The following XKR6 variants were observed in gnomAD, a reference collection of about 807,000 sequenced individuals.
XKR6 encodes XK related 6.
XKR6 carries 22 observed loss-of-function variants against 56.7 expected under a neutral mutation model. That is an observed-to-expected ratio of 0.39 (90% CI 0.28 to 0.55). XKR6 has a LOEUF of 0.55. XKR6 is among the 20% of genes least tolerant of loss of function. XKR6 has a pLI of 0.66. For missense variants in XKR6, 852 were observed against 889.0 expected, an observed-to-expected ratio of 0.96 and a Z score of 0.53; for synonymous variants, 524 against 387.8, an observed-to-expected ratio of 1.35 and a Z score of -4.13.
At chr8:10,971,073 TG>T (rs1400897757) in intron 1 of XKR6, among the ~76,000 whole-genome samples, 2 of 151,236 alleles carry the variant, frequency 1.3e-5, no homozygotes, top group Non-Finnish European at 2.9e-5. Flanking sequence ...CTCTTCTGCT[TG>T]GGGTTTTTAA....
At chr8:11,074,502 C>G (rs553073102) in intron 1 of XKR6, among the ~76,000 whole-genome samples, 1 of 152,220 alleles carries the variant, frequency 6.6e-6, no homozygotes, top group Non-Finnish European at 1.5e-5. Context: ...ATACCAGACA[C>G]TATGCCGAAT....
intron 1 of XKR6, among the ~76,000 whole-genome samples, chr8:11,140,316 T>C (rs1026257082): frequency 2.6e-5 from 4 of 152,158 alleles, no homozygotes; most frequent in Non-Finnish European, 5.9e-5. Context: ...TCTGAAGCTA[T>C]ACACTGAGAG....
chr8:11,177,951 T>C (rs769887110), intron 1 of XKR6, among the ~76,000 whole-genome samples: 1 of 152,154 alleles, frequency 6.6e-6, no homozygotes, highest in Admixed American at 6.5e-5. Context: ...CTTTCTGACA[T>C]GGAAAGCCTG....
At position 11,052,375 on chromosome 8, in the gene XKR6, T is replaced by C. The variant is rs182786836; in HGVS notation, c.765-127545A>G. 2.0e-5 allele frequency among the ~76,000 whole-genome samples: 3 copies of C among 152,284 alleles called. No individual in the cohort carries two copies. In the East Asian group the frequency reaches 5.8e-4, roughly 29 times the overall value. ...GAGCACTTGTCATCTGAAATGAAAA[T>C]GTCTCTTTTGTTTGTTTATGGCCTT... On this transcript the variant is annotated intron_variant, in intron 1 of 2. Coordinates refer to ENST00000416569, the MANE Select transcript of XKR6 (RefSeq NM_173683.4).
intron 1 of XKR6, among the ~76,000 whole-genome samples, chr8:11,011,583 T>G (rs73541210): frequency 0.044 from 6,739 of 152,246 alleles, 501 homozygotes; most frequent in African/African-American, 0.15. Context: ...TCTGGCTATG[T>G]GGAACTTAAT....
At chr8:10,993,033 T>C (rs1474207595) in intron 1 of XKR6, among the ~76,000 whole-genome samples, 2 of 152,110 alleles carry the variant, frequency 1.3e-5, no homozygotes, top group Non-Finnish European at 2.9e-5. Flanking sequence ...GAAAGAGAAG[T>C]GGGAGGTGGG....
At chr8:11,059,157 G>C (rs1011464941) in intron 1 of XKR6, among the ~76,000 whole-genome samples, 1 of 152,230 alleles carries the variant, frequency 6.6e-6, no homozygotes, top group Non-Finnish European at 1.5e-5. Flanking sequence ...CATCCACGGC[G>C]TGGCGGCCAG....
intron 1 of XKR6, among the ~76,000 whole-genome samples, chr8:11,172,243 G>A (rs947164946): frequency 7.9e-5 from 12 of 152,072 alleles, no homozygotes; most frequent in African/African-American, 1.7e-4. Context: ...TATTGTGCAC[G>A]CCTGTAATCC....
intron 1 of XKR6, among the ~76,000 whole-genome samples, chr8:10,927,314 G>T (rs916116563): frequency 4.2e-4 from 64 of 152,242 alleles, no homozygotes; most frequent in African/African-American, 1.5e-3. Context: ...GCTGAGTGGA[G>T]CCTCAGTGCC....
At chr8:10,984,728 C>CTATA (rs1176002840) in intron 1 of XKR6, among the ~76,000 whole-genome samples, 148 of 66,832 alleles carry the variant, frequency 2.2e-3, no homozygotes, top group African/African-American at 7.1e-3. Flanking sequence ...CTCTCTCTCT[C>CTATA]TCTCTATATA....
intron 1 of XKR6, among the ~76,000 whole-genome samples, chr8:10,957,175 T>C (rs1045227427): frequency 6.6e-6 from 1 of 152,204 alleles, no homozygotes; most frequent in Admixed American, 6.5e-5. Flanking sequence ...GGTTTTGAAC[T>C]CCTGACCTCA....
intron 1 of XKR6, among the ~76,000 whole-genome samples, chr8:10,942,771 C>T (rs1394891689): frequency 6.6e-6 from 1 of 152,236 alleles, no homozygotes; most frequent in African/African-American, 2.4e-5. Flanking sequence ...TCCCTCCGCC[C>T]TGTTCACGCT....
intron 2 of XKR6, among the ~76,000 whole-genome samples, chr8:10,918,707 A>G (rs1800630996): frequency 6.6e-6 from 1 of 152,166 alleles, no homozygotes; most frequent in Admixed American, 6.5e-5. Context: ...CCAAAGGAGG[A>G]AGGAGGACAG....
At chr8:11,194,241 T>C (rs1803744753) in intron 1 of XKR6, among the ~76,000 whole-genome samples, 1 of 152,230 alleles carries the variant, frequency 6.6e-6, no homozygotes. Context: ...TAAAGATCAA[T>C]CCATTTAACT....
intron 1 of XKR6, among the ~76,000 whole-genome samples, chr8:11,047,372 A>T (rs1411783914): frequency 6.6e-6 from 1 of 152,198 alleles, no homozygotes; most frequent in African/African-American, 2.4e-5. Context: ...TTATTTTTCA[A>T]TTTTTCATCA....
intron 1 of XKR6, among the ~76,000 whole-genome samples, chr8:11,146,453 C>T (rs931084629): frequency 6.6e-6 from 1 of 152,130 alleles, no homozygotes; most frequent in Non-Finnish European, 1.5e-5. Flanking sequence ...CGGCGAAACG[C>T]CATCTCTACA....
chr8:11,052,706 C>A (rs1403276958), intron 1 of XKR6, among the ~76,000 whole-genome samples: 3 of 150,696 alleles, frequency 2.0e-5, no homozygotes, highest in African/African-American at 7.3e-5. Flanking sequence ...CTCTCTTCCC[C>A]ACCCCCACCC....
chr8:10,898,172 C>T lies in XKR6; in HGVS notation c.1706G>A (p.Gly569Glu). Residue 569 changes from glycine to glutamate, a missense_variant, in exon 3 of 3, where the codon GGG (glycine) becomes GAG (glutamate). By Grantham distance (98) the Gly-to-Glu change is moderately conservative. Transcript: ENST00000416569. The surrounding 1 kb of genome is among the most constrained non-coding windows in gnomAD (Gnocchi z 6.6). Reference sequence around the variant, plus strand: ...AGGACGCCCCAACGGGGTAGGGGGCCCCATGGGTCTCACTTGGAAAACAGG... The same window carrying T: ...AGGACGCCCCAACGGGGTAGGGGGCTCCATGGGTCTCACTTGGAAAACAGG... ...CLPVFQVRPM[G>E]PPTPLGRPYL... The T allele has an allele frequency of 1.2e-6, 2 of 1,614,010 alleles. No individual in the cohort carries two copies. Among genetic ancestry groups the T allele is most frequent in the Non-Finnish European group, 1.7e-6 (2 of 1,179,970 alleles).
intron 1 of XKR6, among the ~76,000 whole-genome samples, chr8:11,061,333 G>C (rs553569000): frequency 2.6e-5 from 4 of 152,154 alleles, no homozygotes; most frequent in Non-Finnish European, 5.9e-5. Flanking sequence ...AGGCGTGATG[G>C]TGTGCACCTG....
Sources: gnomAD v4.1 joint callset for allele counts (sites outside exome capture counted in the v4.1 genomes callset) on GRCh38, gnomAD v4.1.1 for gene constraint, Gnocchi (gnomAD v3.1) non-coding constraint, MANE v1.5 for transcripts, NCBI Gene and HGNC (gene_info 2026-07-23, HGNC 2026-07-21) for gene names.